The following POLRMT variants were observed in gnomAD, a reference collection of about 807,000 sequenced individuals.
The protein encoded by POLRMT is RNA polymerase mitochondrial.
Under a neutral mutation model 132.2 loss-of-function variants are expected in POLRMT, and 114 were observed. The observed-to-expected ratio is 0.86, with a 90% CI of 0.74 to 1.01. The LOEUF (loss-of-function observed/expected upper bound fraction) is 1.01, where lower values mean the gene tolerates loss of function less well. POLRMT is among the 50% of genes least tolerant of loss of function. The probability of loss-of-function intolerance (pLI) is 0.00; values close to 1 mark genes in which losing one functional copy is unlikely to be tolerated. For missense variants in POLRMT, 2,003 were observed against 1,729.1 expected, an observed-to-expected ratio of 1.16 and a Z score of -2.81; for synonymous variants, 1,020 against 773.4, an observed-to-expected ratio of 1.32 and a Z score of -5.29.
chr19:623,228 C>T (rs1984768789), intron 6 of POLRMT, among the ~76,000 whole-genome samples: 1 of 152,262 alleles, frequency 6.6e-6, no homozygotes, highest in African/African-American at 2.4e-5. Context: ...CTCGGGACCC[C>T]ACAAGTTTTC....
intron 11 of POLRMT, 134 bp from the exon 12 acceptor site, chr19:620,214 T>C (rs1235213294): frequency 6.9e-7 from 1 of 1,458,250 alleles, no homozygotes; most frequent in African/African-American, 1.4e-5. Flanking sequence ...CCCCGCACGC[T>C]CCCGGGAGAG....
rs2017580 is a variant in POLRMT, at chr19:623,003, G to T, written c.1291-18C>A. On this transcript the variant is annotated intron_variant, in intron 6 of 20. Coordinates refer to ENST00000588649, the MANE Select transcript of POLRMT (RefSeq NM_005035.4). ...GTCTTCCGCTGCGGGGGATGAACGG[G>T]CCCGGTGAGCCCCGTGGCAGCTGGT... 2 of 1,608,354 alleles carry T rather than the reference G, an allele frequency of 1.2e-6. No homozygotes were observed. The highest frequency in any genetic ancestry group is 1.7e-6 in the Non-Finnish European group (2 of 1,177,538).
Position 624,705 on chromosome 19 carries a change from C to A in POLRMT, c.1140+14G>T. 5.0e-6 allele frequency: 8 copies of A among 1,608,124 alleles called. No individual in the cohort carries two copies. The highest frequency in any genetic ancestry group is 6.0e-6 in the Non-Finnish European group (7 of 1,176,218). ...TATAAGGACTGAAGTCTGCCGGGGC[C>A]CACGTGGGCTCACCTTGGCATACAC... On this transcript the variant is annotated intron_variant, in intron 5 of 20. Coordinates refer to ENST00000588649, the MANE Select transcript of POLRMT (RefSeq NM_005035.4).
In POLRMT at chr19:618,508, G is replaced by A. The variant is rs141105845; in HGVS notation, c.3402C>T (p.Leu1134=). Residue 1134 remains leucine (L), a synonymous_variant, in exon 17 of 21, where the codon CTC becomes CTT. Coordinates refer to ENST00000588649, the MANE Select transcript of POLRMT (RefSeq NM_005035.4). ...CCCACCTGTAGCAGTGCAGGGCGGT[G>A]AGCATCATGTGGGAGGAGTCCAGCG... The part of the protein sequence containing the change: ...IHSLDSSHMM[L]TALHCYRKGL... 3 of 1,612,402 alleles carry A rather than the reference G, an allele frequency of 1.9e-6. No homozygotes were observed. The highest frequency in any genetic ancestry group is 1.7e-5 in the Admixed American group (1 of 59,926).
At chr19:633,037 A>G (rs112594271) in intron 1 of POLRMT, 99 bp from the exon 2 acceptor site, 1 of 822,692 alleles carries the variant, frequency 1.2e-6, no homozygotes. Context: ...GGAGCCCTAA[A>G]CGCAGCGGAA....
In POLRMT at chr19:630,073, C is replaced by G. The variant is rs777878614; in HGVS notation, c.289G>C (p.Gly97Arg). 1.9e-6 allele frequency: 3 copies of G among 1,613,860 alleles called. No individual in the cohort carries two copies. Among genetic ancestry groups the G allele is most frequent in the South Asian group, 2.2e-5 (2 of 91,090 alleles). The change falls in exon 3 of 21, where the codon GGA becomes CGA. Residue 97 changes from glycine to arginine, a missense_variant. Gly to Arg is a moderately radical substitution (Grantham distance 125, BLOSUM62 -2). Transcript: ENST00000588649. ...CTGGGTGGCTGGAGGCTACCATCTC[C>G]ACTGCCACATTCTGGGAGCCGCGCC... ...DVARLPECGS[G>R]DGSLQPPRKV...
chr19:625,371 G>A, intron 3 of POLRMT, 117 bp from the exon 4 acceptor site: 1 of 1,404,484 alleles, frequency 7.1e-7, no homozygotes, highest in South Asian at 1.4e-5. Context: ...GGGTCACCAG[G>A]CAGGAGTGGC....
At position 620,418 on chromosome 19, in the gene POLRMT, C is replaced by G; in HGVS notation, c.2710G>C (p.Ala904Pro). Residue 904 changes from alanine to proline, a missense_variant, in exon 11 of 21, where the codon GCT becomes CCT. By Grantham distance (27) the Ala-to-Pro change is conservative. Coordinates refer to ENST00000588649, the MANE Select transcript of POLRMT (RefSeq NM_005035.4). ...TLACCMEVAN[A>P]VRASDPAAYV... ...GCGGCAGGGTCGGAGGCGCGCACAGCGTTCGCCACCTCCATACAGCAGGCC... is the reference window on the plus strand; with the variant it reads ...GCGGCAGGGTCGGAGGCGCGCACAGGGTTCGCCACCTCCATACAGCAGGCC... 1.3e-6 allele frequency: 2 copies of G among 1,593,654 alleles called. No individual in the cohort carries two copies. The highest frequency in any genetic ancestry group is 1.1e-5 in the South Asian group (1 of 87,958).
chr19:622,491 G>A (rs1984693172), intron 8 of POLRMT, 91 bp downstream of exon 8: 5 of 1,481,816 alleles, frequency 3.4e-6, no homozygotes, highest in Non-Finnish European at 9.0e-7. Flanking sequence ...TGAACAGACT[G>A]AAGCTTGGGT....
chr19:622,529 A>G, intron 8 of POLRMT, 53 bp downstream of exon 8: 1 of 1,527,798 alleles, frequency 6.5e-7, no homozygotes, highest in Non-Finnish European at 8.8e-7. Context: ...AGGGAGGGAG[A>G]GCGCCCACCC....
Position 621,244 on chromosome 19 carries a change from G to A in POLRMT, c.2454C>T (p.Ser818=), listed in dbSNP as rs1221637243. The A allele has an allele frequency of 3.7e-6, 6 of 1,608,770 alleles. No homozygotes were observed. The highest frequency in any genetic ancestry group is 5.1e-6 in the Non-Finnish European group (6 of 1,178,000). Residue 818 remains serine, a synonymous_variant, in exon 10 of 21, where the codon AGC becomes AGT. Transcript: ENST00000588649. ...ACTCCAGCAGGGCCCGCGCCACGTC[G>A]CTGCCCAGGTGGTTGAAGTGCGGCG... ...PCPPHFNHLG[S]DVARALLEFA... is the part of the protein sequence containing the mutation.
chr19:632,777 T>C, intron 2 of POLRMT, 57 bp downstream of exon 2: 1 of 1,419,406 alleles, frequency 7.0e-7, no homozygotes. Context: ...TTGCCTTTTC[T>C]CCCGGCAGCA....
At chr19:622,437 G>A (rs1486137351) in intron 8 of POLRMT, 64 bp from the exon 9 acceptor site, 32 of 1,476,350 alleles carry the variant, frequency 2.2e-5, no homozygotes, top group Non-Finnish European at 2.8e-5. Context: ...CCCACCGCCC[G>A]TGCCTGACGC....
chr19:619,878 G>A (rs1984367436), intron 12 of POLRMT, 80 bp downstream of exon 12: 5 of 1,587,106 alleles, frequency 3.2e-6, no homozygotes, highest in Admixed American at 1.7e-5. Context: ...ACAGGCCAAG[G>A]TGAGGGCACC....
chr19:619,816 G>GGGCCACC (rs769238876), intron 12 of POLRMT, 51 bp from the exon 13 acceptor site: 1 of 1,549,956 alleles, frequency 6.5e-7, no homozygotes, highest in Non-Finnish European at 8.7e-7. Context: ...AGCAGCCCAG[G>GGGCCACC]GGCCACCAAG....
rs780312057 is a variant in POLRMT, at chr19:618,670, C to A, written c.3323+35G>T. The stretch of plus-strand genomic sequence containing the variant: ...TCTCCACCGTGGCTGCTCTCCAGAC[C>A]CCCGGCCAGGCCCCAGCCCGGGCCC... On this transcript the variant is annotated intron_variant, in intron 16 of 20. Transcript: ENST00000588649. 6 of 1,604,666 alleles carry A rather than the reference C, an allele frequency of 3.7e-6. No homozygotes were observed. In the Admixed American group the frequency reaches 5.1e-5, roughly 14 times the overall value.
At chr19:620,110 A>C in intron 11 of POLRMT, 30 bp from the exon 12 acceptor site, 2 of 1,534,482 alleles carry the variant, frequency 1.3e-6, no homozygotes, top group Non-Finnish European at 1.7e-6. Flanking sequence ...CGGGAGATGG[A>C]AGCTAGAGAG....
intron 3 of POLRMT, among the ~76,000 whole-genome samples, chr19:628,400 C>T (rs1985172963): frequency 1.3e-5 from 2 of 152,244 alleles, no homozygotes; most frequent in African/African-American, 4.8e-5. Context: ...AACCAGGCAG[C>T]ACGCCGCCTC....
rs1984070371 is a variant in POLRMT, at chr19:617,483, G to A, written c.3582-3C>T. 6 of 1,611,512 alleles carry A rather than the reference G, an allele frequency of 3.7e-6. No homozygotes were observed. Among genetic ancestry groups the A allele is most frequent in the Non-Finnish European group, 5.1e-6 (6 of 1,179,716 alleles). ...TGGCCTCCAAGATCTTCTGGGGCCT[G>A]GGGTTGGAAGCAGGGTGGGGTGAGG... On this transcript the variant is annotated splice_region_variant and splice_polypyrimidine_tract_variant and intron_variant, in intron 19 of 20. Transcript: ENST00000588649.
Sources: gnomAD v4.1 joint callset for allele counts (sites outside exome capture counted in the v4.1 genomes callset) on GRCh38, gnomAD v4.1.1 for gene constraint, MANE v1.5 for transcripts, NCBI Gene and HGNC (gene_info 2026-07-23, HGNC 2026-07-21) for gene names.